Variants in AASDHPPT observed in about 807,000 individuals in gnomAD.
The protein encoded by AASDHPPT is aminoadipate-semialdehyde dehydrogenase-phosphopantetheinyl transferase, also known as L-aminoadipate-semialdehyde dehydrogenase-phosphopantetheinyl transferase.
A neutral mutation model predicts 36.4 loss-of-function variants in AASDHPPT; 23 were observed. The ratio of observed to expected loss-of-function variants is 0.63; its 90% CI spans 0.45 to 0.89. The LOEUF (loss-of-function observed/expected upper bound fraction) is 0.89. AASDHPPT is among the 40% of genes least tolerant of loss of function. The probability of loss-of-function intolerance (pLI) is 0.00; values close to 1 mark genes in which losing one functional copy is unlikely to be tolerated. For synonymous variants in AASDHPPT, 115 were observed against 128.0 expected (o/e 0.90, Z 0.68); for missense variants, 377 against 378.2 (o/e 1.00, Z 0.03).
At chr11:106,082,241 GTGT>G (rs1445172323) in intron 2 of AASDHPPT, among the ~76,000 whole-genome samples, 1 of 152,098 alleles carries the variant, frequency 6.6e-6, no homozygotes, top group Non-Finnish European at 1.5e-5. Context: ...ATTGTCACTA[GTGT>G]TGTTACCATG....
chr11:106,094,757 AT>A (rs912133448), intron 5 of AASDHPPT, 103 bp downstream of exon 5: 5 of 840,648 alleles, frequency 5.9e-6, no homozygotes, highest in Non-Finnish European at 8.9e-6. Flanking sequence ...GTTTAGAGAG[AT>A]TTTTTTAAGA....
chr11:106,094,495 G>T (rs2135045638), intron 4 of AASDHPPT, 88 bp from the exon 5 acceptor site: 1 of 948,080 alleles, frequency 1.1e-6, no homozygotes, highest in Non-Finnish European at 1.6e-6. Flanking sequence ...TATAGAGAGA[G>T]AGAGAATGAG....
In AASDHPPT at chr11:106,096,901, G is replaced by A. The variant is rs1384940801; in HGVS notation, c.924G>A (p.Lys308=). The change falls in exon 6 of 6, where the codon AAG becomes AAA. Residue 308 remains lysine (K), a synonymous_variant. Coordinates refer to ENST00000278618, the MANE Select transcript of AASDHPPT (RefSeq NM_015423.3). ...AAATTCCAATACGAAATGGTACAAA[G>A]TCATGATGATTCCCTGAGTAACAAA... ...TEEIPIRNGT[K]S The A allele has an allele frequency of 2.5e-6, 4 of 1,599,422 alleles. No individual in the cohort carries two copies. The highest frequency in any genetic ancestry group is 3.5e-5 in the Admixed American group (2 of 56,706).
At chr11:106,090,234 T>G (rs1302915150) in intron 2 of AASDHPPT, among the ~76,000 whole-genome samples, 4 of 152,044 alleles carry the variant, frequency 2.6e-5, no homozygotes, top group African/African-American at 4.8e-5. Flanking sequence ...GGCTGCTAAA[T>G]TTTATCAAAA....
At chr11:106,093,538 A>G (rs1861278153) in intron 4 of AASDHPPT, 1 of 152,204 alleles carries the variant, frequency 6.6e-6, no homozygotes, top group African/African-American at 2.4e-5. Context: ...CTTTAAACAT[A>G]TCTTAAATTT....
intron 5 of AASDHPPT, among the ~76,000 whole-genome samples, chr11:106,096,053 G>A (rs770361410): frequency 6.6e-5 from 10 of 152,094 alleles, no homozygotes; most frequent in Non-Finnish European, 1.3e-4. Flanking sequence ...TGTTTGAATT[G>A]TTTGCTCTTC....
In AASDHPPT at chr11:106,097,180, T is replaced by C. The variant is rs1283815771; in HGVS notation, c.*273T>C. The C allele has an allele frequency of 3.7e-6, 1 of 269,534 alleles. No individual in the cohort carries two copies. Among genetic ancestry groups the C allele is most frequent in the Non-Finnish European group, 6.9e-6 (1 of 145,966 alleles). The allele number at this position is 269,534 out of a possible 1,614,324, so 16.7% of individuals were successfully genotyped here. A position where few individuals can be genotyped will look rare whatever the true frequency, so the allele number is the denominator to read the frequency against. The stretch of plus-strand genomic sequence containing the variant: ...GCTAACTGTAGAAAAAAATAGAAAA[T>C]GCACATAAGCAAAAGGAAACATTTA... On this transcript the variant is annotated 3_prime_UTR_variant, in exon 6 of 6. Transcript: ENST00000278618.
intron 5 of AASDHPPT, 74 bp downstream of exon 5, chr11:106,094,728 A>C: frequency 8.4e-7 from 1 of 1,192,800 alleles, no homozygotes; most frequent in South Asian, 1.5e-5. Flanking sequence ...TGATGGAAAT[A>C]GTCATTTGCC....
intron 2 of AASDHPPT, among the ~76,000 whole-genome samples, chr11:106,090,291 T>C (rs1050524636): frequency 3.3e-5 from 5 of 152,048 alleles, no homozygotes; most frequent in African/African-American, 1.2e-4. Context: ...TCCTGCTTAC[T>C]TAATAATTTA....
chr11:106,086,352 C>T (rs1861196732), intron 2 of AASDHPPT: 3 of 152,316 alleles, frequency 2.0e-5, no homozygotes, highest in Admixed American at 6.5e-5. Flanking sequence ...TTTCTGTCTC[C>T]TCTCTGTGTG....
At chr11:106,089,839 A>G (rs1251818558) in intron 2 of AASDHPPT, among the ~76,000 whole-genome samples, 3 of 152,100 alleles carry the variant, frequency 2.0e-5, no homozygotes, top group Admixed American at 2.0e-4. Flanking sequence ...AATGCTATGT[A>G]ATATTTTGTT....
intron 2 of AASDHPPT, among the ~76,000 whole-genome samples, chr11:106,087,977 A>T (rs1439193026): frequency 6.6e-6 from 1 of 152,178 alleles, no homozygotes; most frequent in Non-Finnish European, 1.5e-5. Context: ...GGTAAACTGC[A>T]CTTAATACTT....
At chr11:106,081,934 C>T (rs1861146189) in intron 2 of AASDHPPT, among the ~76,000 whole-genome samples, 1 of 151,732 alleles carries the variant, frequency 6.6e-6, no homozygotes, top group East Asian at 1.9e-4. Context: ...GTGCAGCACA[C>T]CAGCATGGCA....
intron 2 of AASDHPPT, among the ~76,000 whole-genome samples, chr11:106,088,059 T>A (rs925940460): frequency 6.6e-6 from 1 of 152,174 alleles, no homozygotes; most frequent in African/African-American, 2.4e-5. Context: ...GGCCGAATAT[T>A]TACGAAATCA....
chr11:106,083,730 T>C (rs1278806110), intron 2 of AASDHPPT, among the ~76,000 whole-genome samples: 1 of 152,192 alleles, frequency 6.6e-6, no homozygotes, highest in Non-Finnish European at 1.5e-5. Flanking sequence ...GTTAGTCATG[T>C]GGATGTAACA....
intron 4 of AASDHPPT, chr11:106,091,987 A>G (rs918856862): frequency 1.3e-5 from 2 of 152,152 alleles, no homozygotes; most frequent in African/African-American, 4.8e-5. Context: ...GAATTAGGGG[A>G]TGAAATATTT....
intron 2 of AASDHPPT, among the ~76,000 whole-genome samples, chr11:106,089,846 T>G (rs1439645563): frequency 6.6e-6 from 1 of 152,030 alleles, no homozygotes; most frequent in Non-Finnish European, 1.5e-5. Context: ...TGTAATATTT[T>G]GTTATCTATG....
intron 2 of AASDHPPT, among the ~76,000 whole-genome samples, chr11:106,089,345 G>A (rs571294503): frequency 6.6e-6 from 1 of 152,128 alleles, no homozygotes; most frequent in African/African-American, 2.4e-5. Flanking sequence ...TATTTTAGAA[G>A]TGGGAATTGG....
chr11:106,086,658 T>C (rs887095302), intron 2 of AASDHPPT, among the ~76,000 whole-genome samples: 11 of 152,140 alleles, frequency 7.2e-5, no homozygotes. Flanking sequence ...AGTGTTAATA[T>C]CATCAACCCA....
Sources: gnomAD v4.1 joint callset for allele counts (sites outside exome capture counted in the v4.1 genomes callset) on GRCh38, gnomAD v4.1.1 for gene constraint, MANE v1.5 for transcripts, NCBI Gene and HGNC (gene_info 2026-07-23, HGNC 2026-07-21) for gene names.